TGFB2: variants seen among roughly 807,000 people sequenced by gnomAD.
TGFB2 encodes the protein transforming growth factor beta 2.
Under a neutral mutation model 42.7 loss-of-function variants are expected in TGFB2, and 13 were observed. The observed-to-expected ratio is 0.30, with a 90% CI of 0.20 to 0.48. TGFB2 has a LOEUF of 0.48. Ranked by LOEUF, TGFB2 falls within the 20% of genes least tolerant of loss-of-function variation. The pLI, the probability that TGFB2 is intolerant of heterozygous loss-of-function variation, is 0.99. For synonymous variants in TGFB2, 193 were observed against 193.6 expected, an observed-to-expected ratio of 1.00 and a Z score of 0.03; for missense variants, 390 against 517.5, an observed-to-expected ratio of 0.75 and a Z score of 2.39.
At chr1:218,369,394 C>T (rs1304720858) in intron 1 of TGFB2, among the ~76,000 whole-genome samples, 1 of 150,082 alleles carries the variant, frequency 6.7e-6, no homozygotes, top group Non-Finnish European at 1.5e-5. Flanking sequence ...TAGCAAGAAT[C>T]TCAAACAGAC....
At chr1:218,361,428 T>C (rs1364937528) in intron 1 of TGFB2, among the ~76,000 whole-genome samples, 4 of 152,234 alleles carry the variant, frequency 2.6e-5, no homozygotes, top group Non-Finnish European at 1.5e-5. Flanking sequence ...TACCTCATCT[T>C]ATTCCCACAC....
intron 1 of TGFB2, among the ~76,000 whole-genome samples, chr1:218,365,507 G>C (rs1395520360): frequency 6.6e-6 from 1 of 152,144 alleles, no homozygotes; most frequent in Non-Finnish European, 1.5e-5. Flanking sequence ...AATCAGGAGT[G>C]TCTGAGGGTG....
chr1:218,393,796 G>A (rs986158182), intron 1 of TGFB2, among the ~76,000 whole-genome samples: 27 of 152,150 alleles, frequency 1.8e-4, no homozygotes, highest in Non-Finnish European at 2.8e-4. Context: ...GCCCCGATGA[G>A]GCCATTGGGA....
intron 1 of TGFB2, among the ~76,000 whole-genome samples, chr1:218,367,676 G>A (rs549985494): frequency 6.0e-4 from 92 of 152,238 alleles, no homozygotes; most frequent in South Asian, 2.9e-3. Flanking sequence ...TTTTACCTCC[G>A]CATAAGTCTT....
intron 1 of TGFB2, among the ~76,000 whole-genome samples, chr1:218,356,824 C>T (rs1359447680): frequency 6.6e-6 from 1 of 152,188 alleles, no homozygotes; most frequent in Non-Finnish European, 1.5e-5. Context: ...CATCTCACCT[C>T]CGCAACCAAG....
intron 1 of TGFB2, among the ~76,000 whole-genome samples, chr1:218,361,003 T>G (rs1346184706): frequency 6.6e-6 from 1 of 152,206 alleles, no homozygotes; most frequent in Admixed American, 6.5e-5. Flanking sequence ...TACAGGCACG[T>G]GGCACCACAC....
intron 1 of TGFB2, among the ~76,000 whole-genome samples, chr1:218,374,187 A>C (rs1022832899): frequency 6.6e-6 from 1 of 152,232 alleles, no homozygotes; most frequent in Non-Finnish European, 1.5e-5. Context: ...ATCAGAGTAC[A>C]TACTTCTTAC....
intron 1 of TGFB2, among the ~76,000 whole-genome samples, chr1:218,387,624 T>C (rs1208639791): frequency 6.6e-6 from 1 of 152,014 alleles, no homozygotes; most frequent in Non-Finnish European, 1.5e-5. Flanking sequence ...CTATATGAGA[T>C]CTACAGAGAA....
chr1:218,361,968 C>A (rs1158612743), intron 1 of TGFB2, among the ~76,000 whole-genome samples: 1 of 152,186 alleles, frequency 6.6e-6, no homozygotes, highest in African/African-American at 2.4e-5. Flanking sequence ...TCTTCCATGC[C>A]ACACTGGCCA....
Position 218,443,802 on chromosome 1 carries a change from G to T in TGFB2, c.*2440G>T, listed in dbSNP as rs980135372. Reference sequence around the variant, plus strand: ...AGGGGGGTGGAGGTGGCAAGGAAGGGGTGAAGTGCTAGTATGCAAGTGGGC... The same window carrying T: ...AGGGGGGTGGAGGTGGCAAGGAAGGTGTGAAGTGCTAGTATGCAAGTGGGC... On this transcript the variant is annotated 3_prime_UTR_variant, in exon 7 of 7. Coordinates refer to ENST00000366930, the MANE Select transcript of TGFB2 (RefSeq NM_003238.6). The T allele has an allele frequency of 1.3e-5, 2 of 151,358 alleles. No individual in the cohort carries two copies. The highest frequency in any genetic ancestry group is 2.4e-5 in the African/African-American group (1 of 41,196). 9.4% of individuals were successfully genotyped at this position (151,358 alleles called of 1,614,324 possible).
intron 1 of TGFB2, among the ~76,000 whole-genome samples, chr1:218,363,587 A>G (rs1199205138): frequency 6.6e-6 from 1 of 152,246 alleles, no homozygotes; most frequent in African/African-American, 2.4e-5. Context: ...AAGAGTTTAC[A>G]TGAGAAAAAC....
intron 2 of TGFB2, among the ~76,000 whole-genome samples, chr1:218,433,359 C>T (rs1208587346): frequency 6.6e-6 from 1 of 152,180 alleles, no homozygotes; most frequent in Non-Finnish European, 1.5e-5. Context: ...CCACCACGCC[C>T]AGCCTGAGAT....
intron 1 of TGFB2, among the ~76,000 whole-genome samples, chr1:218,361,751 C>A (rs1657219301): frequency 6.6e-6 from 1 of 152,148 alleles, no homozygotes; most frequent in African/African-American, 2.4e-5. Flanking sequence ...TGTGACAAAC[C>A]GTTTATATCC....
chr1:218,380,397 C>T (rs1305716324), intron 1 of TGFB2, among the ~76,000 whole-genome samples: 1 of 152,078 alleles, frequency 6.6e-6, no homozygotes, highest in African/African-American at 2.4e-5. Context: ...TGCTAAGCTC[C>T]TTACAGTCTG....
At position 218,346,056 on chromosome 1, in the gene TGFB2, G is replaced by A. The variant is rs886045968; in HGVS notation, c.-646G>A. 2.7e-5 allele frequency among the ~76,000 whole-genome samples: 4 copies of A among 145,682 alleles called. No homozygotes were observed. The highest frequency in any genetic ancestry group is 6.8e-5 in the Admixed American group (1 of 14,702). Reference sequence around the variant, plus strand: ...GGGCTCGCCCCCAGCGCGCGCACACGCACACACACACACACACACACACAC... The same window carrying A: ...GGGCTCGCCCCCAGCGCGCGCACACACACACACACACACACACACACACAC... On this transcript the variant is annotated 5_prime_UTR_variant, in exon 1 of 7. Coordinates refer to ENST00000366930, the MANE Select transcript of TGFB2 (RefSeq NM_003238.6). This position sits in a 1 kb window ranked among gnomAD's most constrained non-coding sequence, Gnocchi z 4.9.
intron 2 of TGFB2, among the ~76,000 whole-genome samples, chr1:218,422,267 G>C (rs1013879167): frequency 2.6e-5 from 4 of 151,314 alleles, no homozygotes; most frequent in African/African-American, 9.7e-5. Context: ...ACCCAGGCTG[G>C]AATGCAGTGG....
Position 218,441,508 on chromosome 1 carries a change from A to G in TGFB2, c.*146A>G. On this transcript the variant is annotated 3_prime_UTR_variant, in exon 7 of 7. Coordinates refer to ENST00000366930, the MANE Select transcript of TGFB2 (RefSeq NM_003238.6). ...ATTTTTGAAAAGGCGGTACTAGTTCAGACACTTTGGAAGTTTGTGTTCTGT... is the reference window on the plus strand; with the variant it reads ...ATTTTTGAAAAGGCGGTACTAGTTCGGACACTTTGGAAGTTTGTGTTCTGT... 1.4e-6 allele frequency: 1 copy of G among 724,738 alleles called. No individual in the cohort carries two copies. Among genetic ancestry groups the G allele is most frequent in the Non-Finnish European group, 2.1e-6 (1 of 483,948 alleles). The allele number at this position is 724,738 out of a possible 1,614,324, so 44.9% of individuals were successfully genotyped here. A position where few individuals can be genotyped will look rare whatever the true frequency, so the allele number is the denominator to read the frequency against.
At chr1:218,347,361 T>G (rs1426116321) in intron 1 of TGFB2, among the ~76,000 whole-genome samples, 3 of 152,212 alleles carry the variant, frequency 2.0e-5, no homozygotes, top group African/African-American at 4.8e-5. Context: ...AGCCCCACTC[T>G]GTCAAACTAG....
chr1:218,377,196 T>G (rs755815431), intron 1 of TGFB2, among the ~76,000 whole-genome samples: 8 of 152,118 alleles, frequency 5.3e-5, no homozygotes, highest in Non-Finnish European at 7.4e-5. Context: ...GAAACCAACT[T>G]TTAGGAGAAG....
Sources: gnomAD v4.1 joint callset for allele counts (sites outside exome capture counted in the v4.1 genomes callset) on GRCh38, gnomAD v4.1.1 for gene constraint, Gnocchi (gnomAD v3.1) non-coding constraint, MANE v1.5 for transcripts, NCBI Gene and HGNC (gene_info 2026-07-23, HGNC 2026-07-21) for gene names.